CITED4: variants seen among roughly 807,000 people sequenced by gnomAD.
CITED4 encodes Cbp/p300 interacting transactivator with ED-rich tail 4, also known as cbp/p300-interacting transactivator 4.
A neutral mutation model predicts 3.3 loss-of-function variants in CITED4; 3 were observed. The observed-to-expected ratio is 0.92, with a 90% CI of 0.42 to 2.38. The LOEUF (loss-of-function observed/expected upper bound fraction) is 2.38. CITED4 is among the 30% of genes most tolerant of loss of function. CITED4 has a pLI of 0.05. For missense variants in CITED4, 333 were observed against 274.2 expected (o/e 1.21, Z -1.51); for synonymous variants, 167 against 145.8 (o/e 1.15, Z -1.05).
chr1:40,861,913 G>A lies in CITED4; in HGVS notation c.215C>T (p.Ser72Phe), dbSNP rs1649390398. 1.6e-6 allele frequency: 2 copies of A among 1,257,080 alleles called. No individual in the cohort carries two copies. The highest frequency in any genetic ancestry group is 2.0e-6 in the Non-Finnish European group (2 of 997,232). 77.9% of individuals were successfully genotyped at this position (1,257,080 alleles called of 1,614,324 possible). The change falls in exon 1 of 1, where the codon TCC becomes TTC. Residue 72 changes from serine (S) to phenylalanine (F), a missense_variant. By Grantham distance (155) the Ser-to-Phe change is radical (BLOSUM62 -2). Transcript: ENST00000372638. ...AGGCACGGCCGGAAAGGGCTGGAAG[G>A]AGGACGGCGGCCCGAAGGCCCCGTA... ...LAYGAFGPPS[S>F]FQPFPAVPPP...
chr1:40,862,179 C>A lies in CITED4; in HGVS notation c.-52G>T. 2 of 1,127,766 alleles carry A rather than the reference C, an allele frequency of 1.8e-6. No homozygotes were observed. The highest frequency in any genetic ancestry group is 2.2e-6 in the Non-Finnish European group (2 of 896,474). The allele number at this position is 1,127,766 out of a possible 1,614,324, so 69.9% of individuals were successfully genotyped here. A position where few individuals can be genotyped will look rare whatever the true frequency, so the allele number is the denominator to read the frequency against. Reference sequence around the variant, plus strand: ...CAGCGCGCGGTGGTCAGCGCCGGCTCCCCCGGCCCGGGCCAGCGGCTGCTC... The same window carrying A: ...CAGCGCGCGGTGGTCAGCGCCGGCTACCCCGGCCCGGGCCAGCGGCTGCTC... On this transcript the variant is annotated 5_prime_UTR_variant, in exon 1 of 1. Coordinates refer to ENST00000372638, the MANE Select transcript of CITED4 (RefSeq NM_133467.3).
In CITED4 at chr1:40,862,321, G is replaced by A. The variant is rs369181872; in HGVS notation, c.-194C>T. The A allele has an allele frequency of 1.5e-5, 5 of 339,582 alleles. No individual in the cohort carries two copies. Among genetic ancestry groups the A allele is most frequent in the African/African-American group, 8.6e-5 (4 of 46,422 alleles). The allele number at this position is 339,582 out of a possible 1,614,324, so 21.0% of individuals were successfully genotyped here. On this transcript the variant is annotated 5_prime_UTR_variant, in exon 1 of 1. Coordinates refer to ENST00000372638, the MANE Select transcript of CITED4 (RefSeq NM_133467.3). ...CTGCGCACCTTGCGGCCGCAGCCTG[G>A]GGTCACAAAGGCCCGCAACCTGTAG...
chr1:40,861,468 C>T lies in CITED4; in HGVS notation c.*105G>A. On this transcript the variant is annotated 3_prime_UTR_variant, in exon 1 of 1. Coordinates refer to ENST00000372638, the MANE Select transcript of CITED4 (RefSeq NM_133467.3). ...GCCCTGCGCACACAGCCGCCGCCTC[C>T]ACCCTCGCGGAGGGCGCGCGCGGGG... 1 of 613,496 alleles carries T rather than the reference C, an allele frequency of 1.6e-6. No homozygotes were observed. The highest frequency in any genetic ancestry group is 2.3e-6 in the Non-Finnish European group (1 of 428,532). 38.0% of individuals were successfully genotyped at this position (613,496 alleles called of 1,614,324 possible). A position where few individuals can be genotyped will look rare whatever the true frequency, so the allele number is the denominator to read the frequency against.
At position 40,861,593 on chromosome 1, in the gene CITED4, CG is replaced by C; in HGVS notation, c.534del (p.Ala179ProfsTer4). ...DCFSDLGSAP[P>X]AGSVSC is the part of the protein sequence containing the mutation. Reference sequence around the variant, plus strand: ...CGCCCTCAGCAGCTCACGGAGCCGGCGGGCGGCGCGGACCCCAAGTCCGAGA... The same window carrying C: ...CGCCCTCAGCAGCTCACGGAGCCGGCGGCGGCGCGGACCCCAAGTCCGAGA... On this transcript the variant is annotated frameshift_variant, in exon 1 of 1. Transcript: ENST00000372638. LOFTEE classifies it high-confidence loss of function. The C allele has an allele frequency of 6.9e-7, 1 of 1,455,706 alleles. No individual in the cohort carries two copies. The highest frequency in any genetic ancestry group is 2.4e-5 in the Admixed American group (1 of 41,766). 90.2% of individuals were successfully genotyped at this position (1,455,706 alleles called of 1,614,324 possible). A position where few individuals can be genotyped will look rare whatever the true frequency, so the allele number is the denominator to read the frequency against.
rs1317787686 is a variant in CITED4 at position 40,861,875 on chromosome 1, C to G, written c.253G>C (p.Gly85Arg). The G allele has an allele frequency of 2.5e-6, 3 of 1,222,640 alleles. No homozygotes were observed. The African/African-American group carries it at 4.8e-5, about 20-fold the overall frequency. 75.7% of individuals were successfully genotyped at this position (1,222,640 alleles called of 1,614,324 possible). The change falls in exon 1 of 1, where the codon GGC becomes CGC. Residue 85 changes from glycine to arginine, a missense_variant. Gly to Arg is a moderately radical substitution (Grantham distance 125). Transcript: ENST00000372638. The stretch of plus-strand genomic sequence containing the variant: ...GCCACAGGCTGCAGGTGCGCGATGC[C>G]CGCGGCCGGCGGAGGCACGGCCGGA... ...PFPAVPPPAA[G>R]IAHLQPVATP...
At position 40,861,400 on chromosome 1, in the gene CITED4, A is replaced by C. The variant is rs1365487272; in HGVS notation, c.*173T>G. 4.5e-5 allele frequency: 16 copies of C among 354,534 alleles called. No homozygotes were observed. Among genetic ancestry groups the C allele is most frequent in the East Asian group, 4.3e-5 (1 of 23,226 alleles). The allele number at this position is 354,534 out of a possible 1,614,324, so 22.0% of individuals were successfully genotyped here. A position where few individuals can be genotyped will look rare whatever the true frequency, so the allele number is the denominator to read the frequency against. On this transcript the variant is annotated 3_prime_UTR_variant, in exon 1 of 1. Transcript: ENST00000372638. ...TGAAGCCAAACTGTCCTCCCGCAGG[A>C]GGCAAGGCCTGGAGGGACGCCAGGG...
rs1649401608 is a variant in CITED4, at chr1:40,862,168, C to A, written c.-41G>T. ...GCCTGCGGGGACAGCGCGCGGTGGT[C>A]AGCGCCGGCTCCCCCGGCCCGGGCC... On this transcript the variant is annotated 5_prime_UTR_variant, in exon 1 of 1. Coordinates refer to ENST00000372638, the MANE Select transcript of CITED4 (RefSeq NM_133467.3). The A allele has an allele frequency of 1.2e-5, 14 of 1,193,908 alleles. 1 individual carries two copies. Among genetic ancestry groups the A allele is most frequent in the South Asian group, 6.3e-5 (2 of 31,538 alleles). 74.0% of individuals were successfully genotyped at this position (1,193,908 alleles called of 1,614,324 possible). A position where few individuals can be genotyped will look rare whatever the true frequency, so the allele number is the denominator to read the frequency against.
rs1385165218 is a variant in CITED4, at chr1:40,861,899, GA to G, written c.228del (p.Pro77ArgfsTer66). ...CCCGCGGCCGGCGGAGGCACGGCCG[GA>G]AAGGGCTGGAAGGAGGACGGCGGCC... ...AFGPPSSFQP[F>X]PAVPPPAAGI... is the part of the protein sequence containing the mutation. On this transcript the variant is annotated frameshift_variant, in exon 1 of 1. Transcript: ENST00000372638. LOFTEE classifies it low-confidence loss of function (END_TRUNC). The G allele has an allele frequency of 7.2e-6, 9 of 1,246,806 alleles. No homozygotes were observed. The highest frequency in any genetic ancestry group is 9.1e-6 in the Non-Finnish European group (9 of 989,906). 77.2% of individuals were successfully genotyped at this position (1,246,806 alleles called of 1,614,324 possible).
chr1:40,861,526 T>G lies in CITED4; in HGVS notation c.*47A>C. On this transcript the variant is annotated 3_prime_UTR_variant, in exon 1 of 1. Coordinates refer to ENST00000372638, the MANE Select transcript of CITED4 (RefSeq NM_133467.3). The stretch of plus-strand genomic sequence containing the variant: ...GCTGGGTGCAGGGTCCGGCGGGCAG[T>G]CGGGCCCTTTCTCCTCTCCGGCACG... The G allele has an allele frequency of 8.1e-7, 1 of 1,237,840 alleles. No homozygotes were observed. Among genetic ancestry groups the G allele is most frequent in the Non-Finnish European group, 1.0e-6 (1 of 962,172 alleles). The allele number at this position is 1,237,840 out of a possible 1,614,324, so 76.7% of individuals were successfully genotyped here. A position where few individuals can be genotyped will look rare whatever the true frequency, so the allele number is the denominator to read the frequency against.
Position 40,861,624 on chromosome 1 carries a change from G to T in CITED4, c.504C>A (p.Asp168Glu). The change falls in exon 1 of 1, where the codon GAC becomes GAA. Residue 168 changes from aspartate (D) to glutamate (E), a missense_variant. Coordinates refer to ENST00000372638, the MANE Select transcript of CITED4 (RefSeq NM_133467.3). ...PELFLGQSEF[D>E]CFSDLGSAPP... ...GCGCGGACCCCAAGTCCGAGAAGCA[G>T]TCGAACTCGCTCTGGCCCAGGAAGA... 1 of 1,492,546 alleles carries T rather than the reference G, an allele frequency of 6.7e-7. No homozygotes were observed. The highest frequency in any genetic ancestry group is 8.9e-7 in the Non-Finnish European group (1 of 1,126,084). The allele number at this position is 1,492,546 out of a possible 1,614,324, so 92.5% of individuals were successfully genotyped here.
At position 40,862,274 on chromosome 1, in the gene CITED4, G is replaced by A; in HGVS notation, c.-147C>T. The A allele has an allele frequency of 2.5e-6, 1 of 402,664 alleles. No individual in the cohort carries two copies. The highest frequency in any genetic ancestry group is 4.1e-6 in the Non-Finnish European group (1 of 243,352). 24.9% of individuals were successfully genotyped at this position (402,664 alleles called of 1,614,324 possible). ...GGGCGGAGCAAAACCAAACCCGACT[G>A]GTGCCCCGGCCCAGCCCACTACTGC... On this transcript the variant is annotated 5_prime_UTR_variant, in exon 1 of 1. Transcript: ENST00000372638.
rs373815661 is a variant in CITED4, at chr1:40,862,101, C to T, written c.27G>A (p.Glu9=). The change falls in exon 1 of 1, where the codon GAG becomes GAA. Residue 9 remains glutamate (E), a synonymous_variant. Transcript: ENST00000372638. ...GCGGCCTCTGCACCAGGCGGTAGCCCTCGGCGAGCATCAGGTGGTCGGCCA... is the reference window on the plus strand; with the variant it reads ...GCGGCCTCTGCACCAGGCGGTAGCCTTCGGCGAGCATCAGGTGGTCGGCCA... MADHLMLA[E]GYRLVQRPPS... is the part of the protein sequence containing the mutation. 2 of 1,308,914 alleles carry T rather than the reference C, an allele frequency of 1.5e-6. No individual in the cohort carries two copies. Among genetic ancestry groups the T allele is most frequent in the Non-Finnish European group, 1.9e-6 (2 of 1,030,164 alleles). The allele number at this position is 1,308,914 out of a possible 1,614,324, so 81.1% of individuals were successfully genotyped here. A position where few individuals can be genotyped will look rare whatever the true frequency, so the allele number is the denominator to read the frequency against.
chr1:40,861,881 C>T lies in CITED4; in HGVS notation c.247G>A (p.Ala83Thr). The T allele has an allele frequency of 8.1e-7, 1 of 1,229,092 alleles. No homozygotes were observed. The highest frequency in any genetic ancestry group is 1.0e-6 in the Non-Finnish European group (1 of 979,808). 76.1% of individuals were successfully genotyped at this position (1,229,092 alleles called of 1,614,324 possible). ...FQPFPAVPPPAAGIAHLQPVA... is the reference protein window; with the variant it reads ...FQPFPAVPPPTAGIAHLQPVA... The stretch of plus-strand genomic sequence containing the variant: ...GGCTGCAGGTGCGCGATGCCCGCGG[C>T]CGGCGGAGGCACGGCCGGAAAGGGC... The change falls in exon 1 of 1, where the codon GCC (alanine) becomes ACC (threonine). Residue 83 changes from alanine (A) to threonine (T), a missense_variant. Ala to Thr is a moderately conservative substitution (Grantham distance 58). Transcript: ENST00000372638.
Position 40,862,184 on chromosome 1 carries a change from G to T in CITED4, c.-57C>A. 1.8e-6 allele frequency: 2 copies of T among 1,110,076 alleles called. No homozygotes were observed. Among genetic ancestry groups the T allele is most frequent in the South Asian group, 3.7e-5 (1 of 27,214 alleles). 68.8% of individuals were successfully genotyped at this position (1,110,076 alleles called of 1,614,324 possible). On this transcript the variant is annotated 5_prime_UTR_variant, in exon 1 of 1. Coordinates refer to ENST00000372638, the MANE Select transcript of CITED4 (RefSeq NM_133467.3). Reference sequence around the variant, plus strand: ...CGCGGTGGTCAGCGCCGGCTCCCCCGGCCCGGGCCAGCGGCTGCTCTGCGG... The same window carrying T: ...CGCGGTGGTCAGCGCCGGCTCCCCCTGCCCGGGCCAGCGGCTGCTCTGCGG...
rs1038059735 is a variant in CITED4, at chr1:40,861,398, G to A, written c.*175C>T. The stretch of plus-strand genomic sequence containing the variant: ...AGTGAAGCCAAACTGTCCTCCCGCA[G>A]GAGGCAAGGCCTGGAGGGACGCCAG... On this transcript the variant is annotated 3_prime_UTR_variant, in exon 1 of 1. Transcript: ENST00000372638. The A allele has an allele frequency of 1.4e-5, 5 of 353,782 alleles. No homozygotes were observed. The highest frequency in any genetic ancestry group is 1.1e-4 in the African/African-American group (5 of 46,784). The allele number at this position is 353,782 out of a possible 1,614,324, so 21.9% of individuals were successfully genotyped here.
rs1478185502 is a variant in CITED4 at position 40,862,161 on chromosome 1, C to T, written c.-34G>A. 1.6e-6 allele frequency: 2 copies of T among 1,216,828 alleles called. No individual in the cohort carries two copies. Among genetic ancestry groups the T allele is most frequent in the Non-Finnish European group, 1.0e-6 (1 of 971,400 alleles). The allele number at this position is 1,216,828 out of a possible 1,614,324, so 75.4% of individuals were successfully genotyped here. On this transcript the variant is annotated 5_prime_UTR_variant, in exon 1 of 1. Transcript: ENST00000372638. ...GCCGGCTGCCTGCGGGGACAGCGCG[C>T]GGTGGTCAGCGCCGGCTCCCCCGGC... is the stretch of plus-strand genomic sequence containing the variant.
Position 40,861,536 on chromosome 1 carries a change from T to C in CITED4, c.*37A>G. 1.5e-6 allele frequency: 2 copies of C among 1,326,920 alleles called. No homozygotes were observed. Among genetic ancestry groups the C allele is most frequent in the South Asian group, 3.3e-5 (2 of 60,878 alleles). The allele number at this position is 1,326,920 out of a possible 1,614,324, so 82.2% of individuals were successfully genotyped here. A position where few individuals can be genotyped will look rare whatever the true frequency, so the allele number is the denominator to read the frequency against. On this transcript the variant is annotated 3_prime_UTR_variant, in exon 1 of 1. Transcript: ENST00000372638. ...GGGTCCGGCGGGCAGTCGGGCCCTT[T>C]CTCCTCTCCGGCACGCCGGGCGGGC...
At position 40,861,729 on chromosome 1, in the gene CITED4, G is replaced by C. The variant is rs1426869500; in HGVS notation, c.399C>G (p.Asp133Glu). 1 of 1,414,894 alleles carries C rather than the reference G, an allele frequency of 7.1e-7. No homozygotes were observed. The highest frequency in any genetic ancestry group is 2.3e-5 in the Admixed American group (1 of 42,910). The allele number at this position is 1,414,894 out of a possible 1,614,324, so 87.6% of individuals were successfully genotyped here. The change falls in exon 1 of 1, where the codon GAC (aspartate) becomes GAG (glutamate). Residue 133 changes from aspartate to glutamate, a missense_variant. Physicochemically the swap from Asp to Glu is conservative, Grantham distance 45. Transcript: ENST00000372638. ...PPPAHALGGMDAELIDEEALT... is the reference protein window; with the variant it reads ...PPPAHALGGMEAELIDEEALT... ...GCGCCTCCTCGTCGATGAGTTCGGCGTCCATGCCGCCCAGGGCGTGCGCGG... is the reference window on the plus strand; with the variant it reads ...GCGCCTCCTCGTCGATGAGTTCGGCCTCCATGCCGCCCAGGGCGTGCGCGG...
Position 40,861,874 on chromosome 1 carries a change from C to G in CITED4, c.254G>C (p.Gly85Ala). ...CGCCACAGGCTGCAGGTGCGCGATG[C>G]CCGCGGCCGGCGGAGGCACGGCCGG... ...PFPAVPPPAA[G>A]IAHLQPVATP... The change falls in exon 1 of 1, where the codon GGC (glycine) becomes GCC (alanine). Residue 85 changes from glycine (G) to alanine (A), a missense_variant. Transcript: ENST00000372638. 8.2e-7 allele frequency: 1 copy of G among 1,221,006 alleles called. No individual in the cohort carries two copies. 75.6% of individuals were successfully genotyped at this position (1,221,006 alleles called of 1,614,324 possible). A position where few individuals can be genotyped will look rare whatever the true frequency, so the allele number is the denominator to read the frequency against.
Sources: allele counts gnomAD v4.1 joint callset, GRCh38; gene constraint gnomAD v4.1.1; transcripts MANE v1.5; gene names NCBI Gene and HGNC (gene_info 2026-07-23, HGNC 2026-07-21).